Variants in CDV3 observed in about 807,000 individuals in gnomAD.
The protein encoded by CDV3 is protein CDV3 homolog.
Under a neutral mutation model 24.5 loss-of-function variants are expected in CDV3, and 14 were observed. The ratio of observed to expected loss-of-function variants is 0.57; its 90% CI spans 0.38 to 0.89. The LOEUF is 0.89. Among genes scored for constraint, CDV3 ranks in the 40% least tolerant of loss-of-function variants. CDV3 has a pLI of 0.00. For missense variants in CDV3, 304 were observed against 310.2 expected (o/e 0.98, Z 0.15); for synonymous variants, 114 against 114.1 (o/e 1.00, Z 0.00).
chr3:133,583,330 T>A (rs1933247595), intron 2 of CDV3, among the ~76,000 whole-genome samples: 1 of 152,228 alleles, frequency 6.6e-6, no homozygotes, highest in Admixed American at 6.5e-5. Context: ...CTTTCAAAAC[T>A]CTTCATTTGC....
intron 2 of CDV3, among the ~76,000 whole-genome samples, chr3:133,583,251 T>G (rs1248442133): frequency 6.6e-6 from 1 of 152,210 alleles, no homozygotes; most frequent in Non-Finnish European, 1.5e-5. Context: ...TGTTTTCATC[T>G]GCTGGAATGT....
At chr3:133,575,681 T>C (rs965793837) in intron 2 of CDV3, among the ~76,000 whole-genome samples, 2 of 152,238 alleles carry the variant, frequency 1.3e-5, no homozygotes, top group Non-Finnish European at 2.9e-5. Flanking sequence ...TCTAACACCA[T>C]AATTTTTTCT....
Position 133,584,123 on chromosome 3 carries a change from G to T in CDV3, c.439G>T (p.Val147Leu), listed in dbSNP as rs1300735703. 3.7e-6 allele frequency: 6 copies of T among 1,610,860 alleles called. No individual in the cohort carries two copies. Among genetic ancestry groups the T allele is most frequent in the Non-Finnish European group, 5.1e-6 (6 of 1,178,694 alleles). Residue 147 changes from valine (V) to leucine (L), a missense_variant, in exon 3 of 5, where the codon GTA becomes TTA. This residue lies in a region of CDV3 where 219 missense variants were observed against 203.6 expected (regional missense o/e 1.08). Transcript: ENST00000264993. ...SSGPWNKTAP[V>L]QAPPAPVIVT... ...AGGTCCCTGGAATAAAACAGCTCCAGTACAAGCACCTCCTGCTCCAGTAAT... is the reference window on the plus strand; with the variant it reads ...AGGTCCCTGGAATAAAACAGCTCCATTACAAGCACCTCCTGCTCCAGTAAT...
rs762393059 is a variant in CDV3 at position 133,587,965 on chromosome 3, AAACCAGGCCCTT to A, written c.699_710del (p.Asn233_Leu236del). ...ATAGAGGTAGGGATGAGGTTTCAAAAAACCAGGCCCTTAAACTTCAGCTAGACAACCAATATG... is the reference window on the plus strand; with the variant it reads ...ATAGAGGTAGGGATGAGGTTTCAAAAAAACTTCAGCTAGACAACCAATATG... On this transcript the variant is annotated inframe_deletion, in exon 5 of 5. Coordinates refer to ENST00000264993, the MANE Select transcript of CDV3 (RefSeq NM_017548.5). The A allele has an allele frequency of 3.1e-6, 5 of 1,614,176 alleles. No homozygotes were observed. The highest frequency in any genetic ancestry group is 2.5e-6 in the Non-Finnish European group (3 of 1,180,002).
chr3:133,588,193 A>G lies in CDV3; in HGVS notation c.*147A>G. On this transcript the variant is annotated 3_prime_UTR_variant, in exon 5 of 5. Transcript: ENST00000264993. Reference sequence around the variant, plus strand: ...CCGGCCCTATTGCACTATGGAAGTTAAAGTGTCACGACTGCTCTATGCATA... The same window carrying G: ...CCGGCCCTATTGCACTATGGAAGTTGAAGTGTCACGACTGCTCTATGCATA... 6.5e-7 allele frequency: 1 copy of G among 1,528,634 alleles called. No individual in the cohort carries two copies. Among genetic ancestry groups the G allele is most frequent in the East Asian group, 2.4e-5 (1 of 41,056 alleles). 94.7% of individuals were successfully genotyped at this position (1,528,634 alleles called of 1,614,324 possible).
chr3:133,588,275 T>C lies in CDV3; in HGVS notation c.*229T>C, dbSNP rs1933811882. The C allele has an allele frequency of 6.5e-7, 1 of 1,540,010 alleles. No homozygotes were observed. Among genetic ancestry groups the C allele is most frequent in the Admixed American group, 2.0e-5 (1 of 50,534 alleles). On this transcript the variant is annotated 3_prime_UTR_variant, in exon 5 of 5. Transcript: ENST00000264993. ...AATGTGTGAACTAGTTTCAACAGTG[T>C]TCTTTCATATTTACTCTGCAAATAC...
Position 133,584,087 on chromosome 3 carries a change from G to T in CDV3, c.403G>T (p.Glu135Ter). The part of the protein sequence containing the change: ...EEGGGGGGGM[E>*]KSSGPWNKTA... ...AGGTGGAGGTGGTGGTGGAGGTATG[G>T]AAAAATCTTCAGGTCCCTGGAATAA... The change falls in exon 3 of 5, where the codon GAA (glutamate) becomes TAA (stop). Residue 135 changes from glutamate (E) to a stop codon, truncating the protein, a stop_gained. Coordinates refer to ENST00000264993, the MANE Select transcript of CDV3 (RefSeq NM_017548.5). LOFTEE classifies it high-confidence loss of function. 1 of 1,612,522 alleles carries T rather than the reference G, an allele frequency of 6.2e-7. No homozygotes were observed. Among genetic ancestry groups the T allele is most frequent in the Non-Finnish European group, 8.5e-7 (1 of 1,178,700 alleles).
At chr3:133,585,298 C>T (rs1210253906) in intron 3 of CDV3, among the ~76,000 whole-genome samples, 2 of 152,132 alleles carry the variant, frequency 1.3e-5, no homozygotes, top group East Asian at 3.8e-4. Context: ...CCTTAGCTTC[C>T]CAAAGTGCTG....
In CDV3 at chr3:133,588,263, G is replaced by GT; in HGVS notation, c.*220dup. On this transcript the variant is annotated 3_prime_UTR_variant, in exon 5 of 5. Transcript: ENST00000264993. ...CATTGTTACATAAATGTGTGAACTA[G>GT]TTTCAACAGTGTTCTTTCATATTTA... 6.5e-7 allele frequency: 1 copy of GT among 1,542,398 alleles called. No homozygotes were observed.
At chr3:133,586,504 A>G in intron 3 of CDV3, 59 bp from the exon 4 acceptor site, 1 of 863,190 alleles carries the variant, frequency 1.2e-6, no homozygotes, top group South Asian at 1.6e-5. Flanking sequence ...ATGCAAGAAT[A>G]GCTTATTAAA....
chr3:133,582,305 C>T (rs986403441), intron 2 of CDV3, among the ~76,000 whole-genome samples: 1 of 152,136 alleles, frequency 6.6e-6, no homozygotes, highest in Non-Finnish European at 1.5e-5. Flanking sequence ...GCATGTGTCA[C>T]CACACCTGGC....
rs1357476723 is a variant in CDV3 at position 133,589,216 on chromosome 3, G to A, written c.*1170G>A. On this transcript the variant is annotated 3_prime_UTR_variant, in exon 5 of 5. Coordinates refer to ENST00000264993, the MANE Select transcript of CDV3 (RefSeq NM_017548.5). The stretch of plus-strand genomic sequence containing the variant: ...GTGGCATGGATTGTGCATGATCTTT[G>A]ATAAGAATTCCTCATGTACTTGTGC... 1 of 152,640 alleles carries A rather than the reference G, an allele frequency of 6.6e-6. No homozygotes were observed. Among genetic ancestry groups the A allele is most frequent in the African/African-American group, 2.4e-5 (1 of 41,440 alleles). The allele number at this position is 152,640 out of a possible 1,614,324, so 9.5% of individuals were successfully genotyped here.
In CDV3 at chr3:133,578,065, T is replaced by C. The variant is rs367764358; in HGVS notation, c.317+2950T>C. Among the ~76,000 whole-genome samples the C allele has an allele frequency of 1.4e-4, 21 of 152,134 alleles. 2 individuals carry two copies. The highest frequency in any genetic ancestry group is 2.4e-4 in the African/African-American group (10 of 41,518). On this transcript the variant is annotated intron_variant, in intron 2 of 4. Transcript: ENST00000264993. ...AATGCAGTGGCATGATCATAGCTCA[T>C]TGTAGTCTTGAACTCCTGGGCTCAA...
chr3:133,581,942 T>G (rs1331180814), intron 2 of CDV3, among the ~76,000 whole-genome samples: 1 of 152,164 alleles, frequency 6.6e-6, no homozygotes, highest in Non-Finnish European at 1.5e-5. Flanking sequence ...ATATTTTTAT[T>G]TTAAATTGCA....
chr3:133,587,850 C>A lies in CDV3; in HGVS notation c.627-46C>A, dbSNP rs748872084. 6.5e-6 allele frequency: 10 copies of A among 1,543,604 alleles called. No individual in the cohort carries two copies. In the South Asian group the frequency reaches 1.3e-4, roughly 20 times the overall value. ...TTCAAGGACGAATATTTTCAAAAAC[C>A]CTAGTGAAGAAGAAATATTTACTGA... On this transcript the variant is annotated intron_variant, in intron 4 of 4. Coordinates refer to ENST00000264993, the MANE Select transcript of CDV3 (RefSeq NM_017548.5).
intron 2 of CDV3, among the ~76,000 whole-genome samples, chr3:133,578,894 TA>T (rs1394332050): frequency 6.6e-6 from 1 of 152,222 alleles, no homozygotes; most frequent in Non-Finnish European, 1.5e-5. Context: ...TCTTTATAAA[TA>T]TACTGCTGCA....
At chr3:133,587,483 A>G (rs1313510447) in intron 4 of CDV3, 2 of 1,125,616 alleles carry the variant, frequency 1.8e-6, no homozygotes, top group East Asian at 4.7e-5. Flanking sequence ...CTCCCACAAA[A>G]TCGATGTGAG....
rs942159448 is a variant in CDV3 at position 133,574,733 on chromosome 3, C to T, written c.241-306C>T. 6 of 1,098,480 alleles carry T rather than the reference C, an allele frequency of 5.5e-6. No individual in the cohort carries two copies. The African/African-American group carries it at 6.6e-5, about 12-fold the overall frequency. 68.0% of individuals were successfully genotyped at this position (1,098,480 alleles called of 1,614,324 possible). A position where few individuals can be genotyped will look rare whatever the true frequency, so the allele number is the denominator to read the frequency against. On this transcript the variant is annotated intron_variant, in intron 1 of 4. Transcript: ENST00000264993. ...GCCCGTGAAAGAAAAAGAAAACTCT[C>T]GGTGGCAAGGTTGAAGTAGAAATGT... is the stretch of plus-strand genomic sequence containing the variant.
intron 1 of CDV3, chr3:133,574,491 C>T: frequency 1.0e-6 from 1 of 986,340 alleles, no homozygotes; most frequent in Non-Finnish European, 1.2e-6. Flanking sequence ...GCCGCCCTTC[C>T]CACCCCGCGT....
Sources: allele counts gnomAD v4.1 joint callset (sites outside exome capture counted in the v4.1 genomes callset), GRCh38; gene constraint gnomAD v4.1.1; regional missense constraint gnomAD v4.1.1; transcripts MANE v1.5; gene names NCBI Gene and HGNC (gene_info 2026-07-23, HGNC 2026-07-21).